Variants in ODR4 observed in about 807,000 individuals in gnomAD.
ODR4 encodes protein odr-4 homolog.
In ODR4, 47 loss-of-function variants were observed where a neutral mutation model predicts 60.2. That is an observed-to-expected ratio of 0.78 (90% confidence interval 0.62 to 1.00). The LOEUF is 1.00. ODR4 is among the 50% of genes least tolerant of loss of function. ODR4 has a pLI of 0.00. For synonymous variants in ODR4, 178 were observed against 175.5 expected (o/e 1.01, Z -0.11); for missense variants, 488 against 530.8 (o/e 0.92, Z 0.79).
At chr1:186,424,741 C>T (rs534667621), downstream of ODR4, among the ~76,000 whole-genome samples, 1 of 152,096 alleles carries the variant, frequency 6.6e-6, no homozygotes, top group African/African-American at 2.4e-5. Flanking sequence ...TCAGCTGCCA[C>T]ATCTCAGTTT....
chr1:186,431,088 G>A, the ODR4 span, among the ~76,000 whole-genome samples: 1 of 152,174 alleles, frequency 6.6e-6, no homozygotes, highest in Non-Finnish European at 1.5e-5. Context: ...TTGGCCTTTA[G>A]AGAAGGAACA....
At chr1:186,422,065 G>T (rs1472099774), downstream of ODR4, among the ~76,000 whole-genome samples, 2 of 151,890 alleles carry the variant, frequency 1.3e-5, no homozygotes, top group Admixed American at 6.6e-5. Flanking sequence ...GATAGCATTG[G>T]TCAGATTTTT....
At chr1:186,383,727 T>C (rs983894401) in intron 3 of ODR4, among the ~76,000 whole-genome samples, 6 of 147,316 alleles carry the variant, frequency 4.1e-5, no homozygotes, top group Non-Finnish European at 7.6e-5. Context: ...GTGTATGTGT[T>C]TGATTATGGA....
intron 6 of ODR4, among the ~76,000 whole-genome samples, chr1:186,390,039 C>G (rs751132028): frequency 6.6e-6 from 1 of 152,174 alleles, no homozygotes; most frequent in African/African-American, 2.4e-5. Context: ...CTTCTGGGCT[C>G]AAGTGATCTG....
rs1660384930 is a variant in ODR4, at chr1:186,389,632, AT to A, written c.474+11del. On this transcript the variant is annotated intron_variant, in intron 6 of 13. Coordinates refer to ENST00000287859, the MANE Select transcript of ODR4 (RefSeq NM_017847.6). ...GATATCCATGATCCAAAGGTAAGAA[AT>A]TTACTCTTTAAAGATTTTTCTGTGT... The A allele has an allele frequency of 6.7e-7, 1 of 1,489,046 alleles. No homozygotes were observed. 92.2% of individuals were successfully genotyped at this position (1,489,046 alleles called of 1,614,324 possible).
intron 1 of ODR4, among the ~76,000 whole-genome samples, chr1:186,377,147 A>AGCATT (rs1659810138): frequency 6.6e-6 from 1 of 152,190 alleles, no homozygotes; most frequent in African/African-American, 2.4e-5. Flanking sequence ...ATAATACCTA[A>AGCATT]TACAATGTAA....
chr1:186,398,466 T>C, intron 10 of ODR4, 25 bp downstream of exon 10: 2 of 1,573,750 alleles, frequency 1.3e-6, no homozygotes, highest in Non-Finnish European at 1.7e-6. Context: ...AACGAGCATA[T>C]GGAACCATGT....
At chr1:186,415,160 AAAAG>A (rs903111182) in intron 12 of ODR4, among the ~76,000 whole-genome samples, 3 of 152,120 alleles carry the variant, frequency 2.0e-5, no homozygotes, top group Non-Finnish European at 4.4e-5. Flanking sequence ...TAGAAGAAGA[AAAAG>A]AAAAAAGAAT....
chr1:186,395,861 T>C (rs570095057), intron 9 of ODR4, among the ~76,000 whole-genome samples: 12 of 152,308 alleles, frequency 7.9e-5, no homozygotes, highest in African/African-American at 2.9e-4. Context: ...CTGATTATGG[T>C]ACTCCTTGCT....
intron 11 of ODR4, among the ~76,000 whole-genome samples, chr1:186,402,233 T>TCTTTCTTTCTTTCTTTCTTTCTTC (rs1553236961): frequency 1.0e-4 from 1 of 10,016 alleles, no homozygotes. Context: ...TTTCTTTCTT[T>TCTTTCTTTCTTTCTTTCTTTCTTC]CCTTTCTTTC....
downstream of ODR4, among the ~76,000 whole-genome samples, chr1:186,423,106 T>G (rs1038253040): frequency 6.6e-6 from 1 of 152,208 alleles, no homozygotes; most frequent in Non-Finnish European, 1.5e-5. Context: ...TGAATATACT[T>G]ATTCATAGGT....
chr1:186,409,370 C>G (rs1400046665), intron 12 of ODR4, among the ~76,000 whole-genome samples: 2 of 152,184 alleles, frequency 1.3e-5, no homozygotes, highest in African/African-American at 4.8e-5. Context: ...CAAAAAGGGC[C>G]TTTGCCTCTC....
chr1:186,375,992 T>TGGTGTG lies in ODR4; in HGVS notation c.-20+18_-20+19insGGTGTG. The TGGTGTG allele has an allele frequency of 9.9e-6, 1 of 100,708 alleles. No individual in the cohort carries two copies. The highest frequency in any genetic ancestry group is 2.2e-5 in the Non-Finnish European group (1 of 45,434). 6.2% of individuals were successfully genotyped at this position (100,708 alleles called of 1,614,324 possible). A position where few individuals can be genotyped will look rare whatever the true frequency, so the allele number is the denominator to read the frequency against. On this transcript the variant is annotated intron_variant, in intron 1 of 13. Transcript: ENST00000287859. ...GAAAACAGGTAAGTCAGCCTAAGTG[T>TGGTGTG]AGTGTGTGTGTGTGTGTGTGTGTGT...
chr1:186,379,678 A>G (rs1659950656), intron 1 of ODR4, 89 bp from the exon 2 acceptor site: 1 of 681,658 alleles, frequency 1.5e-6, no homozygotes, highest in South Asian at 2.0e-5. Context: ...TCAGGATAGT[A>G]TCACTTCTCT....
Position 186,389,655 on chromosome 1 carries a change from G to T in ODR4, c.474+31G>T. 2.2e-6 allele frequency: 3 copies of T among 1,391,688 alleles called. 1 individual carries two copies. In the South Asian group the frequency reaches 4.1e-5, roughly 19 times the overall value. 86.2% of individuals were successfully genotyped at this position (1,391,688 alleles called of 1,614,324 possible). A position where few individuals can be genotyped will look rare whatever the true frequency, so the allele number is the denominator to read the frequency against. ...AAATTTACTCTTTAAAGATTTTTCTGTGTCACAAAGTATTTTCAATCAAAA... is the reference window on the plus strand; with the variant it reads ...AAATTTACTCTTTAAAGATTTTTCTTTGTCACAAAGTATTTTCAATCAAAA... On this transcript the variant is annotated intron_variant, in intron 6 of 13. Transcript: ENST00000287859.
downstream of ODR4, among the ~76,000 whole-genome samples, chr1:186,422,141 TAAAAA>T (rs968924284): frequency 1.3e-5 from 2 of 150,642 alleles, no homozygotes; most frequent in African/African-American, 4.9e-5. Context: ...AGGTTGAAAG[TAAAAA>T]AAAAATTTTT....
chr1:186,398,170 A>C (rs1660773557), intron 9 of ODR4, 143 bp from the exon 10 acceptor site: 1 of 620,538 alleles, frequency 1.6e-6, no homozygotes, highest in Non-Finnish European at 2.4e-6. Flanking sequence ...AAGGCCTTTA[A>C]ATAATTTGCA....
intron 3 of ODR4, among the ~76,000 whole-genome samples, chr1:186,383,675 G>GTATATATATATATATATATATATATA (rs1435664889): frequency 7.0e-5 from 8 of 114,740 alleles, no homozygotes; most frequent in African/African-American, 2.3e-4. Flanking sequence ...TTCTGTGTAT[G>GTATATATATATATATATATATATATA]TAGATATATA....
At chr1:186,389,554 CT>C in intron 5 of ODR4, 33 bp from the exon 6 acceptor site, 6 of 1,482,232 alleles carry the variant, frequency 4.0e-6, no homozygotes, top group East Asian at 2.3e-5. Context: ...CCAATAATGC[CT>C]TTTTTGGTTA....
Sources: gnomAD v4.1 joint callset for allele counts (sites outside exome capture counted in the v4.1 genomes callset) on GRCh38, gnomAD v4.1.1 for gene constraint, MANE v1.5 for transcripts, NCBI Gene and HGNC (gene_info 2026-07-23, HGNC 2026-07-21) for gene names.